VPS36: variants seen among roughly 807,000 people sequenced by gnomAD.
VPS36 encodes the protein vacuolar protein sorting 36 homolog.
In VPS36, 31 loss-of-function variants were observed where a neutral mutation model predicts 63.5. The observed-to-expected ratio is 0.49, with a 90% CI of 0.37 to 0.66. The LOEUF is 0.66. Ranked by LOEUF, VPS36 falls within the 30% of genes least tolerant of loss-of-function variation. The pLI is 0.00. For synonymous variants in VPS36, 138 were observed against 157.2 expected, an observed-to-expected ratio of 0.88 and a Z score of 0.91; for missense variants, 338 against 463.7, an observed-to-expected ratio of 0.73 and a Z score of 2.49.
intron 10 of VPS36, among the ~76,000 whole-genome samples, chr13:52,421,161 A>AT (rs1958041821): frequency 6.6e-6 from 1 of 152,214 alleles, no homozygotes; most frequent in Admixed American, 6.5e-5. Context: ...AATGTGGTAC[A>AT]TATATACAAT....
At chr13:52,445,961 A>AG (rs1283733885) in intron 1 of VPS36, among the ~76,000 whole-genome samples, 1 of 140,798 alleles carries the variant, frequency 7.1e-6, no homozygotes, top group African/African-American at 2.6e-5. Context: ...AAAAAAAAAA[A>AG]AAAAAAAGGC....
chr13:52,414,207 T>C lies in VPS36; in HGVS notation c.*1623A>G, dbSNP rs1957971758. 6.6e-6 allele frequency: 1 copy of C among 152,168 alleles called. No homozygotes were observed. The allele number at this position is 152,168 out of a possible 1,614,324, so 9.4% of individuals were successfully genotyped here. ...GAGAGTGTGTGTGTGTGTACAAGTT[T>C]GCCAGAGCAGTGTGAGACAGTAAGT... On this transcript the variant is annotated 3_prime_UTR_variant, in exon 14 of 14. Coordinates refer to ENST00000378060, the MANE Select transcript of VPS36 (RefSeq NM_016075.4).
At chr13:52,446,879 A>G (rs894504992) in intron 1 of VPS36, among the ~76,000 whole-genome samples, 2 of 138,378 alleles carry the variant, frequency 1.4e-5, no homozygotes, top group African/African-American at 5.3e-5. Context: ...GCATGCCATA[A>G]TTTTTTTTTT....
At chr13:52,431,194 G>A (rs1282288863) in intron 6 of VPS36, among the ~76,000 whole-genome samples, 1 of 152,104 alleles carries the variant, frequency 6.6e-6, no homozygotes, top group Non-Finnish European at 1.5e-5. Flanking sequence ...GTGGCTGTAT[G>A]CTCAGACAGC....
At chr13:52,449,960 C>T in intron 1 of VPS36, 3 of 985,600 alleles carry the variant, frequency 3.0e-6, no homozygotes, top group Non-Finnish European at 3.6e-6. Flanking sequence ...GAAGCAATCC[C>T]TCACCCCTCT....
chr13:52,427,752 T>G (rs1057062504), intron 6 of VPS36, among the ~76,000 whole-genome samples: 7 of 152,274 alleles, frequency 4.6e-5, no homozygotes, highest in African/African-American at 1.7e-4. Context: ...GAACTTCACA[T>G]TTTCAAAGAA....
rs765294152 is a variant in VPS36 at position 52,426,968 on chromosome 13, TA to T, written c.639+20del. 6 of 1,595,312 alleles carry T rather than the reference TA, an allele frequency of 3.8e-6. No individual in the cohort carries two copies. Among genetic ancestry groups the T allele is most frequent in the African/African-American group, 2.7e-5 (2 of 74,038 alleles). ...TTGTGTTATCTAGTTTCAAATGCCTTAAAAAAAGCAACTTATTTACCTCATC... is the reference window on the plus strand; with the variant it reads ...TTGTGTTATCTAGTTTCAAATGCCTTAAAAAAGCAACTTATTTACCTCATC... On this transcript the variant is annotated intron_variant, in intron 8 of 13. Coordinates refer to ENST00000378060, the MANE Select transcript of VPS36 (RefSeq NM_016075.4).
chr13:52,439,263 C>T, intron 2 of VPS36, 95 bp from the exon 3 acceptor site: 1 of 887,402 alleles, frequency 1.1e-6, no homozygotes, highest in Non-Finnish European at 1.7e-6. Flanking sequence ...GTGCCATATG[C>T]CTTAATAATA....
Position 52,417,996 on chromosome 13 carries a change from G to T in VPS36, c.901C>A (p.Leu301Ile). ...CKMLEALKLP[L>I]RLRVFDSGVM... is the part of the protein sequence containing the mutation. ...TTCCTGCAGAGGTTCCTTTACCTGA[G>T]AGGTAATTTCAGTGCTTCCAGCATC... is the stretch of plus-strand genomic sequence containing the variant. The change falls in exon 11 of 14, where the codon CTC becomes ATC. Residue 301 changes from leucine to isoleucine, a missense_variant. Physicochemically the swap from Leu to Ile is conservative, Grantham distance 5. Coordinates refer to ENST00000378060, the MANE Select transcript of VPS36 (RefSeq NM_016075.4). 6.2e-7 allele frequency: 1 copy of T among 1,610,976 alleles called. No homozygotes were observed.
At chr13:52,426,193 C>T in intron 8 of VPS36, 127 bp from the exon 9 acceptor site, 1 of 1,207,550 alleles carries the variant, frequency 8.3e-7, no homozygotes, top group Non-Finnish European at 1.1e-6. Context: ...TGTTTCTATG[C>T]TGTGAACTAT....
chr13:52,432,089 A>C (rs894336378), intron 6 of VPS36, among the ~76,000 whole-genome samples: 6 of 152,220 alleles, frequency 3.9e-5, no homozygotes, highest in African/African-American at 1.4e-4. Flanking sequence ...GCGGTGGCAC[A>C]TGCCTGTAAT....
intron 2 of VPS36, among the ~76,000 whole-genome samples, chr13:52,440,887 A>G (rs865856550): frequency 3.3e-5 from 5 of 152,160 alleles, no homozygotes; most frequent in African/African-American, 1.2e-4. Context: ...CCTGGGGAGC[A>G]GGGGTTGTGG....
Position 52,413,065 on chromosome 13 carries a change from TC to T in VPS36, c.*2764del, listed in dbSNP as rs1302122378. 6.5e-6 allele frequency: 1 copy of T among 152,690 alleles called. No homozygotes were observed. Among genetic ancestry groups the T allele is most frequent in the Non-Finnish European group, 1.5e-5 (1 of 68,050 alleles). The allele number at this position is 152,690 out of a possible 1,614,324, so 9.5% of individuals were successfully genotyped here. ...TTTTCAAGGACCATTCTGAGCATGC[TC>T]AATTTTGTCCTTAGGCACGGTCTTT... On this transcript the variant is annotated 3_prime_UTR_variant, in exon 14 of 14. Coordinates refer to ENST00000378060, the MANE Select transcript of VPS36 (RefSeq NM_016075.4).
intron 8 of VPS36, 41 bp from the exon 9 acceptor site, chr13:52,426,107 C>A: frequency 3.1e-6 from 5 of 1,600,462 alleles, no homozygotes; most frequent in Non-Finnish European, 3.4e-6. Context: ...AGTCTCTCCA[C>A]CTCAATATTT....
intron 6 of VPS36, among the ~76,000 whole-genome samples, chr13:52,431,631 T>C (rs959156060): frequency 2.6e-5 from 4 of 151,390 alleles, no homozygotes; most frequent in African/African-American, 9.7e-5. Flanking sequence ...GGCACAGTGG[T>C]GCGCGCCTGT....
intron 1 of VPS36, 191 bp downstream of exon 1, chr13:52,450,308 C>G: frequency 3.4e-6 from 4 of 1,170,972 alleles, no homozygotes; most frequent in Non-Finnish European, 3.2e-6. Flanking sequence ...GCCGAGCGCC[C>G]CACGCCACGT....
intron 8 of VPS36, 36 bp from the exon 9 acceptor site, chr13:52,426,102 C>G (rs887967708): frequency 6.2e-7 from 1 of 1,603,400 alleles, no homozygotes. Context: ...GAATTAGTCT[C>G]TCCACCTCAA....
At chr13:52,430,943 ATG>A (rs1269868252) in intron 6 of VPS36, among the ~76,000 whole-genome samples, 2 of 152,194 alleles carry the variant, frequency 1.3e-5, no homozygotes, top group Non-Finnish European at 2.9e-5. Context: ...AAGAAAGAAA[ATG>A]TGAGCTGAGG....
intron 1 of VPS36, among the ~76,000 whole-genome samples, chr13:52,445,147 C>T (rs1958324597): frequency 6.6e-6 from 1 of 152,124 alleles, no homozygotes; most frequent in African/African-American, 2.4e-5. Context: ...AGAGAATAGA[C>T]CTTATGAGTC....
Sources: gnomAD v4.1 joint callset for allele counts (sites outside exome capture counted in the v4.1 genomes callset) on GRCh38, gnomAD v4.1.1 for gene constraint, MANE v1.5 for transcripts, NCBI Gene and HGNC (gene_info 2026-07-23, HGNC 2026-07-21) for gene names.